SPSB1: variants seen among roughly 807,000 people sequenced by gnomAD.
SPSB1 encodes the protein splA/ryanodine receptor domain and SOCS box containing 1.
Under a neutral mutation model 21.2 loss-of-function variants are expected in SPSB1, and 8 were observed. The ratio of observed to expected loss-of-function variants is 0.38; its 90% CI spans 0.22 to 0.68. The LOEUF is 0.68. SPSB1 is among the 30% of genes least tolerant of loss of function. The pLI, the probability that SPSB1 is intolerant of heterozygous loss-of-function variation, is 0.53. For missense variants in SPSB1, 242 were observed against 377.8 expected (o/e 0.64, Z 2.98); for synonymous variants, 169 against 161.7 (o/e 1.05, Z -0.34).
rs574306930 is a variant in SPSB1 at position 9,369,240 on chromosome 1, G to A, written c.*1665G>A. On this transcript the variant is annotated 3_prime_UTR_variant, in exon 3 of 3. Coordinates refer to ENST00000328089, the MANE Select transcript of SPSB1 (RefSeq NM_025106.4). ...TCGGGGCAGGGGACCTTACCTGTAA[G>A]ACTTTTAAAGATTTTCCTCCCTCCT... The A allele has an allele frequency of 6.6e-6, 1 of 151,546 alleles. No homozygotes were observed. Among genetic ancestry groups the A allele is most frequent in the South Asian group, 2.1e-4 (1 of 4,784 alleles). The allele number at this position is 151,546 out of a possible 1,614,324, so 9.4% of individuals were successfully genotyped here.
rs150526150 is a variant in SPSB1 at position 9,320,794 on chromosome 1, G to A, written c.-150+27723G>A. ...GTGACTCCGTGTTTCTTGTTTCCTC[G>A]TGGGGGATTTTAAATTTATGTCACT... On this transcript the variant is annotated intron_variant, in intron 1 of 2. Transcript: ENST00000328089. Among the ~76,000 whole-genome samples, 22 of 152,246 alleles carry A rather than the reference G, an allele frequency of 1.4e-4. No homozygotes were observed. The East Asian group carries it at 2.5e-3, about 17-fold the overall frequency.
intron 1 of SPSB1, chr1:9,339,279 G>GA: frequency 1.0e-6 from 1 of 985,378 alleles, no homozygotes. Context: ...AGGTATCTGG[G>GA]ACACCCTGAG....
At chr1:9,301,128 C>T (rs764964731) in intron 1 of SPSB1, among the ~76,000 whole-genome samples, 13 of 152,150 alleles carry the variant, frequency 8.5e-5, no homozygotes, top group Non-Finnish European at 1.9e-4. Flanking sequence ...TGGGCTGTGC[C>T]TGATGATTTG....
chr1:9,313,269 G>A (rs748904294), intron 1 of SPSB1, among the ~76,000 whole-genome samples: 3 of 151,984 alleles, frequency 2.0e-5, no homozygotes, highest in South Asian at 2.1e-4. Flanking sequence ...ACGTGGTGCC[G>A]GGCACCTATA....
In SPSB1 at chr1:9,367,562, TCCTCTA is replaced by T; in HGVS notation, c.812_817del (p.Leu271_Tyr272del). 1 of 1,610,720 alleles carries T rather than the reference TCCTCTA, an allele frequency of 6.2e-7. No individual in the cohort carries two copies. The highest frequency in any genetic ancestry group is 8.5e-7 in the Non-Finnish European group (1 of 1,178,166). Reference sequence around the variant, plus strand: ...CTGCCGGCTTCCCTCAAGGCCTACCTCCTCTACCAGTGACGTTCGCCATCATACCGC... The same window carrying T: ...CTGCCGGCTTCCCTCAAGGCCTACCTCCAGTGACGTTCGCCATCATACCGC... On this transcript the variant is annotated inframe_deletion, in exon 3 of 3. Coordinates refer to ENST00000328089, the MANE Select transcript of SPSB1 (RefSeq NM_025106.4). The surrounding 1 kb of genome is among the most constrained non-coding windows in gnomAD (Gnocchi z 5.9).
chr1:9,335,644 T>TA (rs1639992576), intron 1 of SPSB1, among the ~76,000 whole-genome samples: 1 of 151,814 alleles, frequency 6.6e-6, no homozygotes, highest in South Asian at 2.1e-4. Flanking sequence ...CTACAAAAAC[T>TA]AAAAAACTAG....
intron 1 of SPSB1, among the ~76,000 whole-genome samples, chr1:9,296,486 G>A (rs567452439): frequency 5.9e-5 from 9 of 152,288 alleles, no homozygotes; most frequent in African/African-American, 1.9e-4. Context: ...AAAGTTAGAG[G>A]CAGAGTATAA....
chr1:9,352,499 T>C (rs976985840), intron 1 of SPSB1, among the ~76,000 whole-genome samples: 1 of 152,202 alleles, frequency 6.6e-6, no homozygotes, highest in Non-Finnish European at 1.5e-5. Context: ...TGGCTGCTTT[T>C]GTGCGACAAC....
At chr1:9,308,733 CT>C (rs909873759) in intron 1 of SPSB1, among the ~76,000 whole-genome samples, 4 of 151,442 alleles carry the variant, frequency 2.6e-5, no homozygotes, top group African/African-American at 9.7e-5. Flanking sequence ...GAAAGGAGGA[CT>C]TTTTTTTTAG....
In SPSB1 at chr1:9,316,168, G is replaced by C. The variant is rs539726467; in HGVS notation, c.-150+23097G>C. Reference sequence around the variant, plus strand: ...TTGCCCTGGGCTGGCAGGGGGTGGGGACCTGGGTGAAGAGGAAGGTGCCAG... The same window carrying C: ...TTGCCCTGGGCTGGCAGGGGGTGGGCACCTGGGTGAAGAGGAAGGTGCCAG... On this transcript the variant is annotated intron_variant, in intron 1 of 2. Transcript: ENST00000328089. Among the ~76,000 whole-genome samples the C allele has an allele frequency of 5.3e-5, 8 of 152,306 alleles. No individual in the cohort carries two copies. In the East Asian group the frequency reaches 1.5e-3, roughly 29 times the overall value.
chr1:9,309,144 C>T (rs964754467), intron 1 of SPSB1, among the ~76,000 whole-genome samples: 1 of 151,844 alleles, frequency 6.6e-6, no homozygotes, highest in African/African-American at 2.4e-5. Context: ...ATGCCAGGCC[C>T]AGGGGTCGTC....
intron 1 of SPSB1, among the ~76,000 whole-genome samples, chr1:9,332,088 G>A (rs1008043125): frequency 6.6e-6 from 1 of 152,038 alleles, no homozygotes; most frequent in African/African-American, 2.4e-5. Context: ...GGTGGCTGAT[G>A]CCTATAAATC....
intron 1 of SPSB1, among the ~76,000 whole-genome samples, chr1:9,349,754 G>C (rs1322578129): frequency 6.6e-6 from 1 of 152,232 alleles, no homozygotes; most frequent in Non-Finnish European, 1.5e-5. Flanking sequence ...GTCCTTTCGG[G>C]AGTTCCCAAC....
intron 1 of SPSB1, among the ~76,000 whole-genome samples, chr1:9,311,168 T>C (rs940643020): frequency 6.6e-6 from 1 of 151,492 alleles, no homozygotes; most frequent in African/African-American, 2.4e-5. Flanking sequence ...GGGTTTTTTT[T>C]TTTTTTTTTT....
chr1:9,345,142 C>G lies in SPSB1; in HGVS notation c.-149-10601C>G. On this transcript the variant is annotated intron_variant, in intron 1 of 2. Transcript: ENST00000328089. The surrounding 1 kb of genome is among the most constrained non-coding windows in gnomAD (Gnocchi z 4.8). Reference sequence around the variant, plus strand: ...GAGCGAGGCCCTTCCAGAGAACCAGCTTCTCTGCAGAGCCTCCTCCTGGGA... The same window carrying G: ...GAGCGAGGCCCTTCCAGAGAACCAGGTTCTCTGCAGAGCCTCCTCCTGGGA... Among the ~76,000 whole-genome samples the G allele has an allele frequency of 6.6e-6, 1 of 152,182 alleles. No homozygotes were observed.
At chr1:9,314,271 C>T (rs958505958) in intron 1 of SPSB1, among the ~76,000 whole-genome samples, 1 of 152,018 alleles carries the variant, frequency 6.6e-6, no homozygotes, top group Non-Finnish European at 1.5e-5. Flanking sequence ...TCTGCTGGGC[C>T]GGGAGTAGAT....
chr1:9,340,454 T>A (rs910369309), intron 1 of SPSB1, among the ~76,000 whole-genome samples: 3 of 152,244 alleles, frequency 2.0e-5, no homozygotes, highest in Non-Finnish European at 4.4e-5. Flanking sequence ...TCCCAGAGGT[T>A]TGTTTTGTTG....
chr1:9,358,774 T>C (rs2075970), intron 2 of SPSB1, among the ~76,000 whole-genome samples: 42,490 of 152,008 alleles, frequency 0.28, 6,318 homozygotes, highest in Non-Finnish European at 0.33. Flanking sequence ...CCCCTGATGC[T>C]GTCATGAGCT....
chr1:9,311,661 C>T lies in SPSB1; in HGVS notation c.-150+18590C>T, dbSNP rs577749588. Reference sequence around the variant, plus strand: ...GAGCATTCTGTAGAAGATTTAACTCCCGCTGCTTCTGGCAAAGAGCAGGAA... The same window carrying T: ...GAGCATTCTGTAGAAGATTTAACTCTCGCTGCTTCTGGCAAAGAGCAGGAA... On this transcript the variant is annotated intron_variant, in intron 1 of 2. Transcript: ENST00000328089. 3.3e-5 allele frequency among the ~76,000 whole-genome samples: 5 copies of T among 152,182 alleles called. No individual in the cohort carries two copies. The South Asian group carries it at 1.0e-3, about 32-fold the overall frequency.
Sources: allele counts gnomAD v4.1 joint callset (sites outside exome capture counted in the v4.1 genomes callset), GRCh38; gene constraint gnomAD v4.1.1; non-coding constraint Gnocchi (gnomAD v3.1); transcripts MANE v1.5; gene names NCBI Gene and HGNC (gene_info 2026-07-23, HGNC 2026-07-21).